PWWP3A: variants seen among roughly 807,000 people sequenced by gnomAD.
The protein encoded by PWWP3A is PWWP domain-containing DNA repair factor 3A.
PWWP3A carries 53 observed loss-of-function variants against 79.0 expected under a neutral mutation model. That is an observed-to-expected ratio of 0.67 (90% CI 0.54 to 0.84). The LOEUF is 0.84. Ranked by LOEUF, PWWP3A falls within the 40% of genes least tolerant of loss-of-function variation. The pLI, the probability that PWWP3A is intolerant of heterozygous loss-of-function variation, is 0.00. For missense variants in PWWP3A, 973 were observed against 948.0 expected (o/e 1.03, Z -0.35); for synonymous variants, 443 against 394.4 (o/e 1.12, Z -1.46).
At chr19:1,367,115 A>G (rs1278652244) in intron 8 of PWWP3A, 45 bp from the exon 9 acceptor site, 5 of 1,511,210 alleles carry the variant, frequency 3.3e-6, no homozygotes, top group Non-Finnish European at 4.6e-6. Context: ...TTAGCTTATT[A>G]GAGGAAGTTC....
chr19:1,367,500 C>T (rs963018553), intron 9 of PWWP3A, among the ~76,000 whole-genome samples: 2 of 152,252 alleles, frequency 1.3e-5, no homozygotes, highest in African/African-American at 4.8e-5. Context: ...CCAGGGCCAC[C>T]AGGCAAGGCT....
rs2081865314 is a variant in PWWP3A at position 1,356,335 on chromosome 19, G to T, written c.-58G>T. On this transcript the variant is annotated 5_prime_UTR_variant, in exon 2 of 14. Transcript: ENST00000591337. ...AAATTTCGTTCCAGGACACATTGGC[G>T]TGAGACCTGGGAGTACGTTGTGCCA... 2 of 1,564,384 alleles carry T rather than the reference G, an allele frequency of 1.3e-6. No individual in the cohort carries two copies. Among genetic ancestry groups the T allele is most frequent in the Non-Finnish European group, 1.8e-6 (2 of 1,134,924 alleles).
At chr19:1,374,607 A>G (rs1214718882) in intron 13 of PWWP3A, among the ~76,000 whole-genome samples, 3 of 152,154 alleles carry the variant, frequency 2.0e-5, no homozygotes, top group African/African-American at 7.2e-5. Flanking sequence ...CGCACATCAG[A>G]GCCAGCAGCC....
At chr19:1,364,473 C>CTTTTTTTTT in intron 6 of PWWP3A, 36 bp from the exon 7 acceptor site, 1 of 1,321,802 alleles carries the variant, frequency 7.6e-7, no homozygotes, top group Non-Finnish European at 1.0e-6. Flanking sequence ...CTTGTCTATT[C>CTTTTTTTTT]TTTTTTTTTT....
In PWWP3A at chr19:1,360,976, C is replaced by T; in HGVS notation, c.1055C>T (p.Ala352Val). 1.4e-6 allele frequency: 2 copies of T among 1,460,600 alleles called. No homozygotes were observed. The highest frequency in any genetic ancestry group is 2.5e-5 in the East Asian group (1 of 39,302). 90.5% of individuals were successfully genotyped at this position (1,460,600 alleles called of 1,614,324 possible). Residue 352 changes from alanine (A) to valine (V), a missense_variant, in exon 5 of 14, where the codon GCC (alanine) becomes GTC (valine). Transcript: ENST00000591337. The surrounding 1 kb of genome is among the most constrained non-coding windows in gnomAD (Gnocchi z 4.4). Reference protein sequence around the residue: ...TARLGPPPSHASADATRCLPC... With the variant: ...TARLGPPPSHVSADATRCLPC... ...AGGCTGGGCCCGCCTCCCTCCCACG[C>T]CTCTGCGGATGCAACCAGATGTCTT...
At position 1,360,112 on chromosome 19, in the gene PWWP3A, A is replaced by G. The variant is rs144960983; in HGVS notation, c.215-24A>G. 4.6e-6 allele frequency: 7 copies of G among 1,521,926 alleles called. No individual in the cohort carries two copies. In the Admixed American group the frequency reaches 1.1e-4, roughly 24 times the overall value. The allele number at this position is 1,521,926 out of a possible 1,614,324, so 94.3% of individuals were successfully genotyped here. Reference sequence around the variant, plus strand: ...TGCCTGTGCAGTGAACGTAACCGGCATTGTGTATGTTCGGTCCTTGCAGCC... The same window carrying G: ...TGCCTGTGCAGTGAACGTAACCGGCGTTGTGTATGTTCGGTCCTTGCAGCC... On this transcript the variant is annotated intron_variant, in intron 4 of 13. Coordinates refer to ENST00000591337, the MANE Select transcript of PWWP3A (RefSeq NM_001369789.1). The surrounding 1 kb of genome is among the most constrained non-coding windows in gnomAD (Gnocchi z 4.4).
At position 1,360,830 on chromosome 19, in the gene PWWP3A, G is replaced by T. The variant is rs756359992; in HGVS notation, c.909G>T (p.Pro303=). 1 of 1,564,416 alleles carries T rather than the reference G, an allele frequency of 6.4e-7. No individual in the cohort carries two copies. Among genetic ancestry groups the T allele is most frequent in the African/African-American group, 1.4e-5 (1 of 73,510 alleles). The part of the protein sequence containing the change: ...EPGECPAKKR[P]RLDGSQRPPA... ...GAGAATGCCCTGCGAAAAAGAGGCC[G>T]CGCCTGGATGGCAGCCAAAGGCCGC... Residue 303 remains proline, a synonymous_variant, in exon 5 of 14, where the codon CCG becomes CCT. Transcript: ENST00000591337. This position sits in a 1 kb window ranked among gnomAD's most constrained non-coding sequence, Gnocchi z 4.4.
chr19:1,373,174 G>C lies in PWWP3A; in HGVS notation c.2075+14G>C, dbSNP rs149375025. On this transcript the variant is annotated intron_variant, in intron 13 of 13. Coordinates refer to ENST00000591337, the MANE Select transcript of PWWP3A (RefSeq NM_001369789.1). ...GCTGAGCTACCGGTAGGCCGCTCCC[G>C]GCGCTATCTCCAGCCACTTGCGTCT... 1.4e-5 allele frequency: 22 copies of C among 1,610,790 alleles called. No individual in the cohort carries two copies. The highest frequency in any genetic ancestry group is 1.9e-5 in the Non-Finnish European group (22 of 1,177,606).
intron 2 of PWWP3A, 78 bp downstream of exon 2, chr19:1,356,527 C>T: frequency 2.2e-6 from 3 of 1,360,788 alleles, no homozygotes; most frequent in Non-Finnish European, 3.1e-6. Context: ...CAGGAGATAC[C>T]TAGGATTTGC....
rs777891339 is a variant in PWWP3A, at chr19:1,370,697, A to C, written c.1605A>C (p.Gln535His). 9.6e-6 allele frequency: 14 copies of C among 1,456,390 alleles called. No homozygotes were observed. The highest frequency in any genetic ancestry group is 1.3e-5 in the Non-Finnish European group (14 of 1,102,514). 90.2% of individuals were successfully genotyped at this position (1,456,390 alleles called of 1,614,324 possible). ...ACGTCTTGGGGACCAAGCTTCCTCA[A>C]CTGAGCAAGGGGAGCCCCGAGGAGC... ...QQDVLGTKLP[Q>H]LSKGSPEEPV... The change falls in exon 12 of 14, where the codon CAA becomes CAC. Residue 535 changes from glutamine (Q) to histidine (H), a missense_variant. Transcript: ENST00000591337.
At chr19:1,356,165 G>T in intron 1 of PWWP3A, 159 bp from the exon 2 acceptor site, 143 of 505,822 alleles carry the variant, frequency 2.8e-4, no homozygotes, top group Middle Eastern at 5.5e-4. Flanking sequence ...GTTTCTGTTT[G>T]TCAGTCTGCT....
Position 1,370,986 on chromosome 19 carries a change from C to T in PWWP3A, c.1894C>T (p.Leu632=). ...GCAGCTGGACCTGGTGGTGAAGTAC[C>T]TGCAGGGCGTCTACCAGGAGGTGGG... ...EGQLDLVVKY[L]QGVYQEVGAK... Residue 632 remains leucine (L), a synonymous_variant, in exon 12 of 14, where the codon CTG becomes TTG. Coordinates refer to ENST00000591337, the MANE Select transcript of PWWP3A (RefSeq NM_001369789.1). The T allele has an allele frequency of 6.4e-7, 1 of 1,566,330 alleles. No homozygotes were observed. Among genetic ancestry groups the T allele is most frequent in the Non-Finnish European group, 8.7e-7 (1 of 1,155,138 alleles).
chr19:1,365,631 C>T (rs896909169), intron 7 of PWWP3A, among the ~76,000 whole-genome samples: 7 of 152,334 alleles, frequency 4.6e-5, no homozygotes, highest in South Asian at 4.1e-4. Context: ...AGATGGAGGC[C>T]GGGCTTCTGG....
At chr19:1,356,573 C>T in intron 2 of PWWP3A, 124 bp downstream of exon 2, 1 of 874,544 alleles carries the variant, frequency 1.1e-6, no homozygotes, top group Non-Finnish European at 1.8e-6. Flanking sequence ...ACGGTTGGCA[C>T]TGATTCTCGT....
At chr19:1,358,333 T>C (rs2144695382) in intron 3 of PWWP3A, 61 bp from the exon 4 acceptor site, 3 of 1,423,096 alleles carry the variant, frequency 2.1e-6, no homozygotes, top group Non-Finnish European at 2.9e-6. Context: ...AAGGAAAACA[T>C]GTTTGAAAAT....
rs1296382282 is a variant in PWWP3A at position 1,364,327 on chromosome 19, A to C, written c.1214-182A>C. 8.7e-6 allele frequency: 6 copies of C among 692,086 alleles called. No individual in the cohort carries two copies. In the East Asian group the frequency reaches 1.5e-4, roughly 18 times the overall value. The allele number at this position is 692,086 out of a possible 1,614,324, so 42.9% of individuals were successfully genotyped here. A position where few individuals can be genotyped will look rare whatever the true frequency, so the allele number is the denominator to read the frequency against. Reference sequence around the variant, plus strand: ...GTCTCATCATTGGTGGTTAGACTCAAGTAGTGTGGGGTATGTGAATCTGCC... The same window carrying C: ...GTCTCATCATTGGTGGTTAGACTCACGTAGTGTGGGGTATGTGAATCTGCC... On this transcript the variant is annotated intron_variant, in intron 6 of 13. Transcript: ENST00000591337.
In PWWP3A at chr19:1,360,779, T is replaced by C; in HGVS notation, c.858T>C (p.Pro286=). 2 of 1,608,988 alleles carry C rather than the reference T, an allele frequency of 1.2e-6. No individual in the cohort carries two copies. Residue 286 remains proline (P), a synonymous_variant, in exon 5 of 14, where the codon CCT becomes CCC. Transcript: ENST00000591337. This position sits in a 1 kb window ranked among gnomAD's most constrained non-coding sequence, Gnocchi z 4.4. ...GCAGCCTCACTGCGCCCCCAGCCCC[T>C]GAGCCCTCGGCCTGCTCAGAGCCTG... is the stretch of plus-strand genomic sequence containing the variant. The part of the protein sequence containing the change: ...PLGSLTAPPA[P]EPSACSEPGE...
chr19:1,357,273 C>G, intron 3 of PWWP3A, 179 bp downstream of exon 3: 1 of 542,840 alleles, frequency 1.8e-6, no homozygotes, highest in Non-Finnish European at 3.3e-6. Flanking sequence ...GATTTTATGT[C>G]AGTTTGGAAG....
rs753805497 is a variant in PWWP3A, at chr19:1,364,564, C to G, written c.1269C>G (p.Pro423=). 3.1e-6 allele frequency: 5 copies of G among 1,608,384 alleles called. No individual in the cohort carries two copies. The highest frequency in any genetic ancestry group is 1.7e-5 in the Admixed American group (1 of 59,042). The change falls in exon 7 of 14, where the codon CCC becomes CCG. Residue 423 remains proline, a synonymous_variant. Coordinates refer to ENST00000591337, the MANE Select transcript of PWWP3A (RefSeq NM_001369789.1). ...MLVWHKHKKY[P]FWPAVVKSVR... ...TCTGGCATAAACATAAAAAATACCCCTTCTGGCCAGCAGTGGTAAGAACAG... is the reference window on the plus strand; with the variant it reads ...TCTGGCATAAACATAAAAAATACCCGTTCTGGCCAGCAGTGGTAAGAACAG...
Sources: gnomAD v4.1 joint callset for allele counts (sites outside exome capture counted in the v4.1 genomes callset) on GRCh38, gnomAD v4.1.1 for gene constraint, Gnocchi (gnomAD v3.1) non-coding constraint, MANE v1.5 for transcripts, NCBI Gene and HGNC (gene_info 2026-07-23, HGNC 2026-07-21) for gene names.